The following VPS13B variants were observed in gnomAD, a reference collection of about 807,000 sequenced individuals.
VPS13B encodes vacuolar protein sorting 13 homolog B.
A neutral mutation model predicts 426.4 loss-of-function variants in VPS13B; 285 were observed. The ratio of observed to expected loss-of-function variants is 0.67; its 90% CI spans 0.61 to 0.74. VPS13B has a LOEUF of 0.74. VPS13B is among the 30% of genes least tolerant of loss of function. The pLI, the probability that VPS13B is intolerant of heterozygous loss-of-function variation, is 0.00. For synonymous variants in VPS13B, 1,676 were observed against 1,676.4 expected (o/e 1.00, Z 0.01); for missense variants, 4,537 against 4,782.6 (o/e 0.95, Z 1.51).
Position 99,014,110 on chromosome 8 carries a change from C to CTTTTTTTTTTTT in VPS13B, c.147+189_147+200dup. 1.1e-3 allele frequency among the ~76,000 whole-genome samples: 83 copies of CTTTTTTTTTTTT among 72,310 alleles called. 5 individuals are homozygous for CTTTTTTTTTTTT. The highest frequency in any genetic ancestry group is 3.1e-3 in the East Asian group (6 of 1,922). The allele number at this position is 72,310 out of a possible 152,430, so 47.4% of individuals were successfully genotyped here. A position where few individuals can be genotyped will look rare whatever the true frequency, so the allele number is the denominator to read the frequency against. ...TACACTATTTTCTTTTTCTTTCTTT[C>CTTTTTTTTTTTT]TTTTTTTTTTTTTTTTTTTTTTTTT... On this transcript the variant is annotated intron_variant, in intron 2 of 61. Transcript: ENST00000357162.
chr8:99,766,637 A>G, intron 39 of VPS13B, 137 bp from the exon 40 acceptor site: 1 of 728,446 alleles, frequency 1.4e-6, no homozygotes, highest in Non-Finnish European at 2.2e-6. Flanking sequence ...GAAATCCTAA[A>G]CTACTGTCTT....
chr8:99,403,267 T>C (rs915836561), intron 21 of VPS13B, among the ~76,000 whole-genome samples: 4 of 151,986 alleles, frequency 2.6e-5, no homozygotes, highest in Non-Finnish European at 5.9e-5. Context: ...GAAAAACAGG[T>C]CTTATCCAGT....
At chr8:99,793,942 A>G (rs996063773) in intron 43 of VPS13B, among the ~76,000 whole-genome samples, 4 of 152,162 alleles carry the variant, frequency 2.6e-5, no homozygotes, top group Non-Finnish European at 5.9e-5. Flanking sequence ...CATGTAAAAC[A>G]TTTATAAAGT....
chr8:99,057,522 C>T (rs563322318), intron 3 of VPS13B, among the ~76,000 whole-genome samples: 2 of 152,088 alleles, frequency 1.3e-5, no homozygotes, highest in African/African-American at 4.8e-5. Context: ...TGTAGGTTTT[C>T]GTTATTTTAG....
chr8:99,834,194 T>C (rs1049946122), intron 52 of VPS13B, among the ~76,000 whole-genome samples: 1 of 152,248 alleles, frequency 6.6e-6, no homozygotes, highest in African/African-American at 2.4e-5. Flanking sequence ...ATTTGGCAAA[T>C]TGTCTGATTT....
At chr8:99,866,251 AGAG>A (rs1320291626) in intron 58 of VPS13B, among the ~76,000 whole-genome samples, 1 of 152,244 alleles carries the variant, frequency 6.6e-6, no homozygotes, top group East Asian at 1.9e-4. Context: ...GATATACTTC[AGAG>A]GAGAGCCATT....
At chr8:99,468,714 G>A (rs1456084870) in intron 24 of VPS13B, among the ~76,000 whole-genome samples, 3 of 151,990 alleles carry the variant, frequency 2.0e-5, no homozygotes, top group Non-Finnish European at 4.4e-5. Flanking sequence ...AATAAAGCAA[G>A]ACTCTTTCTC....
intron 25 of VPS13B, among the ~76,000 whole-genome samples, chr8:99,485,816 AAAAC>A (rs1820270475): frequency 6.6e-6 from 1 of 152,218 alleles, no homozygotes; most frequent in African/African-American, 2.4e-5. Context: ...TGAATAGATT[AAAAC>A]AAACAAAAAA....
At chr8:99,554,485 A>G (rs933311673) in intron 30 of VPS13B, among the ~76,000 whole-genome samples, 11 of 152,138 alleles carry the variant, frequency 7.2e-5, no homozygotes, top group Non-Finnish European at 1.3e-4. Context: ...TCCGCCTGAG[A>G]TTTGTAAAGA....
intron 19 of VPS13B, among the ~76,000 whole-genome samples, chr8:99,305,716 A>T (rs1017570071): frequency 3.3e-5 from 5 of 152,114 alleles, no homozygotes; most frequent in African/African-American, 9.6e-5. Flanking sequence ...TTGAACTAAA[A>T]ATCTTTGGTA....
intron 19 of VPS13B, among the ~76,000 whole-genome samples, chr8:99,351,355 G>A (rs1480437109): frequency 6.6e-6 from 1 of 151,816 alleles, no homozygotes; most frequent in African/African-American, 2.4e-5. Context: ...TAAACTTAAA[G>A]TTAACTCCAA....
intron 22 of VPS13B, among the ~76,000 whole-genome samples, chr8:99,432,430 A>G (rs1002034855): frequency 3.9e-5 from 6 of 152,154 alleles, no homozygotes; most frequent in East Asian, 1.9e-4. Context: ...TTACAGCTAT[A>G]TTAAGCCCAT....
chr8:99,506,445 C>T lies in VPS13B; in HGVS notation c.4158-692C>T, dbSNP rs139512570. Reference sequence around the variant, plus strand: ...TGTTGTACTTTATCCCTGACTGTACCGCTAAATTTATATAAATTATAGATA... The same window carrying T: ...TGTTGTACTTTATCCCTGACTGTACTGCTAAATTTATATAAATTATAGATA... On this transcript the variant is annotated intron_variant, in intron 27 of 61. Transcript: ENST00000357162. Among the ~76,000 whole-genome samples, 727 of 152,068 alleles carry T rather than the reference C, an allele frequency of 4.8e-3. 4 individuals carry two copies. The highest frequency in any genetic ancestry group is 0.016 in the African/African-American group (664 of 41,464).
chr8:99,676,976 C>T (rs1285489703), intron 35 of VPS13B, among the ~76,000 whole-genome samples: 2 of 151,880 alleles, frequency 1.3e-5, no homozygotes, highest in East Asian at 1.9e-4. Flanking sequence ...CTAAAATGGA[C>T]GTGATGGTGC....
intron 54 of VPS13B, among the ~76,000 whole-genome samples, chr8:99,843,871 A>T (rs970665136): frequency 6.6e-6 from 1 of 152,146 alleles, no homozygotes; most frequent in African/African-American, 2.4e-5. Flanking sequence ...TAATTTCTCA[A>T]CTCAGTAGAC....
chr8:99,249,913 G>A (rs554595679), intron 17 of VPS13B, among the ~76,000 whole-genome samples: 85 of 152,244 alleles, frequency 5.6e-4, no homozygotes, highest in Middle Eastern at 3.4e-3. Flanking sequence ...TGTCTCTTGC[G>A]GTTGGGGGTG....
intron 22 of VPS13B, among the ~76,000 whole-genome samples, chr8:99,434,489 A>T (rs906317004): frequency 6.6e-6 from 1 of 152,206 alleles, no homozygotes. Flanking sequence ...GTGATTTCTT[A>T]TATAGCATAG....
At chr8:99,576,200 T>C (rs765594425) in intron 32 of VPS13B, among the ~76,000 whole-genome samples, 1 of 152,144 alleles carries the variant, frequency 6.6e-6, no homozygotes, top group Non-Finnish European at 1.5e-5. Context: ...TCTATAAAAA[T>C]GAAAATTATC....
At position 99,467,412 on chromosome 8, in the gene VPS13B, A is replaced by G. The variant is rs1819167202; in HGVS notation, c.3446-2A>G. The G allele has an allele frequency of 1.2e-6, 2 of 1,613,252 alleles. No homozygotes were observed. Among genetic ancestry groups the G allele is most frequent in the Non-Finnish European group, 8.5e-7 (1 of 1,179,488 alleles). On this transcript the variant is annotated splice_acceptor_variant, in intron 23 of 61. Transcript: ENST00000357162. LOFTEE classifies it high-confidence loss of function. ...CCTATTCCCTTTTATCCCCTATATC[A>G]GGTGATGCTTTTCCTTGGACGATCA...
Sources: gnomAD v4.1 joint callset for allele counts (sites outside exome capture counted in the v4.1 genomes callset) on GRCh38, gnomAD v4.1.1 for gene constraint, MANE v1.5 for transcripts, NCBI Gene and HGNC (gene_info 2026-07-23, HGNC 2026-07-21) for gene names.